SEC31B: variants seen among roughly 807,000 people sequenced by gnomAD.
The protein encoded by SEC31B is SEC31 homolog B, COPII component.
SEC31B carries 113 observed loss-of-function variants against 135.0 expected under a neutral mutation model. That is an observed-to-expected ratio of 0.84 (90% CI 0.72 to 0.98). The LOEUF (loss-of-function observed/expected upper bound fraction) is 0.98, where lower values mean the gene tolerates loss of function less well. SEC31B is among the 50% of genes least tolerant of loss of function. The pLI, the probability that SEC31B is intolerant of heterozygous loss-of-function variation, is 0.00. For missense variants in SEC31B, 1,296 were observed against 1,421.1 expected (o/e 0.91, Z 1.42); for synonymous variants, 508 against 549.4 (o/e 0.92, Z 1.05).
At position 100,509,329 on chromosome 10, in the gene SEC31B, A is replaced by T. The variant is rs1189569636; in HGVS notation, c.386T>A (p.Leu129Ter). Residue 129 changes from leucine (L) to a stop codon, truncating the protein, a stop_gained, in exon 4 of 26, where the codon TTG becomes TAG. Transcript: ENST00000370345. LOFTEE classifies it high-confidence loss of function. The stretch of plus-strand genomic sequence containing the variant: ...GAAATGTAGTACCTGGAAAGGATTC[A>T]AGTCGAGGGCTCTGACAGCCCCCGT... ...KHTGAVRALD[L>*]NPFQGNLLAS... 8.7e-6 allele frequency: 14 copies of T among 1,613,502 alleles called. No homozygotes were observed. Among genetic ancestry groups the T allele is most frequent in the Admixed American group, 1.7e-5 (1 of 59,962 alleles).
At chr10:100,493,906 C>G (rs767489519) in intron 19 of SEC31B, among the ~76,000 whole-genome samples, 1 of 150,530 alleles carries the variant, frequency 6.6e-6, no homozygotes, top group Non-Finnish European at 1.5e-5. Context: ...TTCTTTGCCA[C>G]CTCCTGTGAA....
intron 1 of SEC31B, among the ~76,000 whole-genome samples, chr10:100,517,543 G>A (rs976448713): frequency 2.0e-5 from 3 of 152,148 alleles, no homozygotes; most frequent in Non-Finnish European, 4.4e-5. Flanking sequence ...TGTATTTTTA[G>A]TAGAGACGTA....
rs780579460 is a variant in SEC31B, at chr10:100,506,195, A to G, written c.889T>C (p.Tyr297His). The change falls in exon 9 of 26, where the codon TAT (tyrosine) becomes CAT (histidine). Residue 297 changes from tyrosine to histidine, a missense_variant. By Grantham distance (83) the Tyr-to-His change is moderately conservative. Transcript: ENST00000370345. Reference sequence around the variant, plus strand: ...CAGCTGCTCTGTGTTGGTAGCTTATATACCACCTAATATGAGGGAACACAC... The same window carrying G: ...CAGCTGCTCTGTGTTGGTAGCTTATGTACCACCTAATATGAGGGAACACAC... ...CRNLGSSEVV[Y>H]KLPTQSSWCF... is the part of the protein sequence containing the mutation. 2.8e-5 allele frequency: 46 copies of G among 1,614,180 alleles called. No homozygotes were observed. In the South Asian group the frequency reaches 4.3e-4, roughly 15 times the overall value.
rs779726910 is a variant in SEC31B, at chr10:100,489,410, GA to G, written c.3025-13del. Reference sequence around the variant, plus strand: ...AATGTCTCTGGCAGCTAAAGAGACAGAAGGAAAGACATGAGTCTAACCTGAG... The same window carrying G: ...AATGTCTCTGGCAGCTAAAGAGACAGAGGAAAGACATGAGTCTAACCTGAG... On this transcript the variant is annotated splice_polypyrimidine_tract_variant and intron_variant, in intron 22 of 25. Transcript: ENST00000370345. The G allele has an allele frequency of 8.7e-6, 14 of 1,613,030 alleles. No individual in the cohort carries two copies. In the African/African-American group the frequency reaches 1.7e-4, roughly 20 times the overall value.
chr10:100,513,636 AT>A (rs1258646452), intron 3 of SEC31B, among the ~76,000 whole-genome samples: 1 of 151,202 alleles, frequency 6.6e-6, no homozygotes, highest in African/African-American at 2.4e-5. Context: ...CGCCCAGCTA[AT>A]TTTTGCATTT....
At chr10:100,497,895 G>A in intron 15 of SEC31B, 102 bp from the exon 16 acceptor site, 1 of 1,593,918 alleles carries the variant, frequency 6.3e-7, no homozygotes, top group Non-Finnish European at 8.6e-7. Flanking sequence ...TAGGGGCAAG[G>A]GATGAGGTGG....
At chr10:100,500,028 C>T (rs1166971994) in intron 11 of SEC31B, 6 of 455,936 alleles carry the variant, frequency 1.3e-5, no homozygotes, top group Admixed American at 2.4e-5. Flanking sequence ...GCAGGGACTC[C>T]GGAAGCTATG....
At chr10:100,517,739 G>GT (rs71472542) in intron 1 of SEC31B, among the ~76,000 whole-genome samples, 2 of 151,812 alleles carry the variant, frequency 1.3e-5, no homozygotes, top group South Asian at 4.2e-4. Flanking sequence ...TTTTTTATTT[G>GT]TTTTTTTCAG....
rs745439067 is a variant in SEC31B at position 100,506,358 on chromosome 10, T to A, written c.845A>T (p.Asp282Val). 8 of 1,614,112 alleles carry A rather than the reference T, an allele frequency of 5.0e-6. No individual in the cohort carries two copies. Among genetic ancestry groups the A allele is most frequent in the Non-Finnish European group, 5.9e-6 (7 of 1,180,004 alleles). Residue 282 changes from aspartate (D) to valine (V), a missense_variant, in exon 8 of 26, where the codon GAC becomes GTC. Asp to Val is a radical substitution (Grantham distance 152). Transcript: ENST00000370345. ...DAELLLTSAK[D>V]SQILCRNLGS... ...CAGGTTCCGGCACAAGATCTGGCTG[T>A]CCTTAGCACTAGTGAGCAGCAGCTC...
chr10:100,503,666 C>A lies in SEC31B; in HGVS notation c.1180-1182G>T, dbSNP rs186885395. Reference sequence around the variant, plus strand: ...TCAGGCTGGTCTCGAACTCCCCGACCTCAGGTGATCCACCTGCCTCGGCCT... The same window carrying A: ...TCAGGCTGGTCTCGAACTCCCCGACATCAGGTGATCCACCTGCCTCGGCCT... On this transcript the variant is annotated intron_variant, in intron 10 of 25. Transcript: ENST00000370345. 6.9e-3 allele frequency among the ~76,000 whole-genome samples: 1,044 copies of A among 151,996 alleles called. 9 individuals are homozygous for A. Among genetic ancestry groups the A allele is most frequent in the African/African-American group, 0.023 (964 of 41,450 alleles).
At chr10:100,507,809 G>C in intron 6 of SEC31B, 99 bp downstream of exon 6, 1 of 1,528,992 alleles carries the variant, frequency 6.5e-7, no homozygotes, top group Non-Finnish European at 9.0e-7. Flanking sequence ...ATGTCCGACA[G>C]CTGAAAGCAG....
intron 13 of SEC31B, 92 bp from the exon 14 acceptor site, chr10:100,498,896 C>A: frequency 2.0e-6 from 2 of 1,003,980 alleles, no homozygotes; most frequent in South Asian, 1.4e-5. Context: ...TACTATTTGG[C>A]CGTTAATGGG....
At chr10:100,488,222 G>A (rs1314238372) in intron 24 of SEC31B, 124 bp from the exon 25 acceptor site, 20 of 783,978 alleles carry the variant, frequency 2.6e-5, no homozygotes, top group Non-Finnish European at 3.6e-5. Flanking sequence ...CACCTTGGGA[G>A]GCCAAGGCGG....
Position 100,502,232 on chromosome 10 carries a change from A to T in SEC31B, c.1410+22T>A, listed in dbSNP as rs144622457. On this transcript the variant is annotated intron_variant, in intron 11 of 25. Transcript: ENST00000370345. ...AGGCTTTGGGGAGACACTTCTGAGC[A>T]GCTAGCCTTCAGGCTTCCCACCTTC... is the stretch of plus-strand genomic sequence containing the variant. The T allele has an allele frequency of 6.3e-4, 1,005 of 1,591,804 alleles. 7 individuals are homozygous for T. In the African/African-American group the frequency reaches 0.011, roughly 18 times the overall value.
chr10:100,505,723 C>T (rs973325043), intron 9 of SEC31B: 2 of 1,411,920 alleles, frequency 1.4e-6, no homozygotes, highest in Non-Finnish European at 1.8e-6. Context: ...TGGAGTGTGG[C>T]ACAAAATGGA....
chr10:100,509,243 C>T (rs1226004259), intron 4 of SEC31B, 73 bp downstream of exon 4: 2 of 1,526,218 alleles, frequency 1.3e-6, no homozygotes, highest in Non-Finnish European at 1.8e-6. Context: ...AGACTGGAGG[C>T]CACAAATGAA....
intron 14 of SEC31B, 48 bp downstream of exon 14, chr10:100,498,657 C>T (rs771195795): frequency 7.0e-7 from 1 of 1,418,470 alleles, no homozygotes; most frequent in Non-Finnish European, 9.9e-7. Context: ...CCTCCGTGCC[C>T]ACCTAGTCCT....
intron 3 of SEC31B, among the ~76,000 whole-genome samples, chr10:100,512,708 T>C (rs993471339): frequency 6.6e-6 from 1 of 152,124 alleles, no homozygotes; most frequent in Non-Finnish European, 1.5e-5. Context: ...GAAAGGTGCA[T>C]GTTTAGTTGA....
Position 100,488,880 on chromosome 10 carries a change from C to G in SEC31B, c.3266G>C (p.Cys1089Ser). The part of the protein sequence containing the change: ...KSSFEALLQR[C>S]SLSATDLKTK... ...TACTAAGTCAGTTGCAGACAGGGAG[C>G]AGCGTTGGAGAAGCGCCTCAAAGCT... Residue 1089 changes from cysteine (C) to serine (S), a missense_variant, in exon 24 of 26, where the codon TGC becomes TCC. Transcript: ENST00000370345. 6.2e-7 allele frequency: 1 copy of G among 1,602,088 alleles called. No individual in the cohort carries two copies. The highest frequency in any genetic ancestry group is 8.5e-7 in the Non-Finnish European group (1 of 1,175,146).
Sources: gnomAD v4.1 joint callset for allele counts (sites outside exome capture counted in the v4.1 genomes callset) on GRCh38, gnomAD v4.1.1 for gene constraint, MANE v1.5 for transcripts, NCBI Gene and HGNC (gene_info 2026-07-23, HGNC 2026-07-21) for gene names.